GP1BA: variants seen among roughly 807,000 people sequenced by gnomAD.
GP1BA encodes glycoprotein Ib platelet subunit alpha, also known as platelet glycoprotein Ib alpha chain.
GP1BA carries 3 observed loss-of-function variants against 5.6 expected under a neutral mutation model. The observed-to-expected ratio is 0.53, with a 90% CI of 0.24 to 1.38. GP1BA has a LOEUF of 1.38. Among genes scored for constraint, GP1BA ranks in the 40% most tolerant of loss-of-function variants. The probability of loss-of-function intolerance (pLI) is 0.16; values close to 1 mark genes in which losing one functional copy is unlikely to be tolerated. For synonymous variants in GP1BA, 323 were observed against 358.3 expected, an observed-to-expected ratio of 0.90 and a Z score of 1.11; for missense variants, 707 against 801.4, an observed-to-expected ratio of 0.88 and a Z score of 1.42.
In GP1BA at chr17:4,932,780, T is replaced by C; in HGVS notation, c.176T>C (p.Leu59Pro). Residue 59 changes from leucine (L) to proline (P), a missense_variant, in exon 2 of 2, where the codon CTG becomes CCG. By Grantham distance (98) the Leu-to-Pro change is moderately conservative. This residue lies in a region of GP1BA where 442 missense variants were observed against 498.8 expected (regional missense o/e 0.89). Coordinates refer to ENST00000329125, the MANE Select transcript of GP1BA (RefSeq NM_000173.7). This position sits in a 1 kb window ranked among gnomAD's most constrained non-coding sequence, Gnocchi z 4.8. Reference protein sequence around the residue: ...TTILHLSENLLYTFSLATLMP... With the variant: ...TTILHLSENLPYTFSLATLMP... ...ATCCTCCACCTGAGTGAGAACCTCC[T>C]GTACACCTTCTCCCTGGCAACCCTG... The C allele has an allele frequency of 6.2e-7, 1 of 1,614,006 alleles. No individual in the cohort carries two copies. Among genetic ancestry groups the C allele is most frequent in the South Asian group, 1.1e-5 (1 of 91,088 alleles).
Position 4,933,028 on chromosome 17 carries a change from C to G in GP1BA, c.424C>G (p.Leu142Val). The change falls in exon 2 of 2, where the codon CTC becomes GTC. Residue 142 changes from leucine to valine, a missense_variant. Physicochemically the swap from Leu to Val is conservative, Grantham distance 32. Transcript: ENST00000329125. ...TGGTGCCCTGCGTGGTCTTGGCGAA[C>G]TCCAAGAGCTCTACCTGAAAGGCAA... Reference protein sequence around the residue: ...PLGALRGLGELQELYLKGNEL... With the variant: ...PLGALRGLGEVQELYLKGNEL... The G allele has an allele frequency of 1.2e-6, 2 of 1,614,048 alleles. No homozygotes were observed. The highest frequency in any genetic ancestry group is 1.7e-6 in the Non-Finnish European group (2 of 1,179,902).
Position 4,934,458 on chromosome 17 carries a change from T to C in GP1BA, c.1854T>C (p.Arg618=), listed in dbSNP as rs753613402. The C allele has an allele frequency of 6.2e-7, 1 of 1,614,030 alleles. No individual in the cohort carries two copies. The highest frequency in any genetic ancestry group is 8.5e-7 in the Non-Finnish European group (1 of 1,179,894). The part of the protein sequence containing the change: ...SLFLWVRPNG[R]VGPLVAGRRP... ...TCCTGTGGGTACGGCCTAATGGCCG[T>C]GTGGGGCCTCTAGTGGCAGGAAGGA... Residue 618 remains arginine (R), a synonymous_variant, in exon 2 of 2, where the codon CGT becomes CGC. Transcript: ENST00000329125.
Position 4,932,916 on chromosome 17 carries a change from G to A in GP1BA, c.312G>A (p.Gln104=). The A allele has an allele frequency of 6.2e-7, 1 of 1,613,884 alleles. No homozygotes were observed. Among genetic ancestry groups the A allele is most frequent in the Middle Eastern group, 1.7e-4 (1 of 6,060 alleles). ...GGACCCTGGATCTATCCCACAATCA[G>A]CTGCAAAGCCTGCCCTTGCTAGGGC... is the stretch of plus-strand genomic sequence containing the variant. ...VLGTLDLSHN[Q]LQSLPLLGQT... Residue 104 remains glutamine (Q), a synonymous_variant, in exon 2 of 2, where the codon CAG becomes CAA. Transcript: ENST00000329125. This position sits in a 1 kb window ranked among gnomAD's most constrained non-coding sequence, Gnocchi z 4.8.
rs1432000562 is a variant in GP1BA at position 4,934,599 on chromosome 17, G to A, written c.*36G>A. 6.2e-7 allele frequency: 1 copy of A among 1,600,370 alleles called. No homozygotes were observed. Among genetic ancestry groups the A allele is most frequent in the Admixed American group, 1.7e-5 (1 of 58,284 alleles). ...TTTGGGGACCTTGAGAGAAGAGCCT[G>A]TGGGCTCTCCTATTGGAATCTAGTT... is the stretch of plus-strand genomic sequence containing the variant. On this transcript the variant is annotated 3_prime_UTR_variant, in exon 2 of 2. Transcript: ENST00000329125.
In GP1BA at chr17:4,934,565, G is replaced by A. The variant is rs781736391; in HGVS notation, c.*2G>A. The A allele has an allele frequency of 1.2e-6, 2 of 1,613,778 alleles. No individual in the cohort carries two copies. Among genetic ancestry groups the A allele is most frequent in the Admixed American group, 1.7e-5 (1 of 59,972 alleles). On this transcript the variant is annotated 3_prime_UTR_variant, in exon 2 of 2. Coordinates refer to ENST00000329125, the MANE Select transcript of GP1BA (RefSeq NM_000173.7). ...AGGTACTCTGGCCACAGCCTCTGAG[G>A]GTGGGAGGTTTGGGGACCTTGAGAG...
At position 4,932,561 on chromosome 17, in the gene GP1BA, G is replaced by A. The variant is rs767711763; in HGVS notation, c.-6-38G>A. On this transcript the variant is annotated intron_variant, in intron 1 of 1. Transcript: ENST00000329125. This position sits in a 1 kb window ranked among gnomAD's most constrained non-coding sequence, Gnocchi z 4.8. ...GGGGCCTGGGGGGATGCTTCCAGGG[G>A]ATGCAGGGGGATCCACTCAAGGCTC... 2 of 1,582,024 alleles carry A rather than the reference G, an allele frequency of 1.3e-6. No homozygotes were observed. The highest frequency in any genetic ancestry group is 2.3e-5 in the South Asian group (2 of 86,596).
chr17:4,933,175 G>C lies in GP1BA; in HGVS notation c.571G>C (p.Asp191His). 2 of 1,613,928 alleles carry C rather than the reference G, an allele frequency of 1.2e-6. No individual in the cohort carries two copies. Among genetic ancestry groups the C allele is most frequent in the South Asian group, 2.2e-5 (2 of 91,088 alleles). ...AGLLNGLENL[D>H]TLLLQENSLY... ...GCTCCTGAATGGGCTGGAGAATCTC[G>C]ACACCCTTCTCCTCCAAGAGAACTC... The change falls in exon 2 of 2, where the codon GAC becomes CAC. Residue 191 changes from aspartate to histidine, a missense_variant. Transcript: ENST00000329125.
At position 4,934,387 on chromosome 17, in the gene GP1BA, C is replaced by G. The variant is rs1476897044; in HGVS notation, c.1783C>G (p.Leu595Val). The G allele has an allele frequency of 6.2e-7, 1 of 1,614,080 alleles. No homozygotes were observed. The highest frequency in any genetic ancestry group is 1.7e-5 in the Admixed American group (1 of 60,032). ...GCAAGTGACAGTGCCCCGGGCCTGG[C>G]TGCTCTTCCTTCGAGGTTCGCTTCC... Reference protein sequence around the residue: ...GRQVTVPRAWLLFLRGSLPTF... With the variant: ...GRQVTVPRAWVLFLRGSLPTF... Residue 595 changes from leucine to valine, a missense_variant, in exon 2 of 2, where the codon CTG (leucine) becomes GTG (valine). Around this residue, in one of 3 missense-constraint regions of GP1BA, gnomAD observed 247 missense variants for 246.6 expected, o/e 1.00. Coordinates refer to ENST00000329125, the MANE Select transcript of GP1BA (RefSeq NM_000173.7).
Position 4,933,119 on chromosome 17 carries a change from C to T in GP1BA, c.515C>T (p.Ala172Val), listed in dbSNP as rs121908065. Residue 172 changes from alanine (A) to valine (V), a missense_variant, in exon 2 of 2, where the codon GCT (alanine) becomes GTT (valine). Ala to Val is a moderately conservative substitution (Grantham distance 64). Coordinates refer to ENST00000329125, the MANE Select transcript of GP1BA (RefSeq NM_000173.7). ...PTPKLEKLSL[A>V]NNNLTELPAG... The stretch of plus-strand genomic sequence containing the variant: ...CCCAAGCTGGAGAAGCTCAGTCTGG[C>T]TAACAACAACTTGACTGAGCTCCCC... 1.2e-6 allele frequency: 2 copies of T among 1,613,866 alleles called. No individual in the cohort carries two copies. The highest frequency in any genetic ancestry group is 1.7e-6 in the Non-Finnish European group (2 of 1,179,762).
Position 4,933,474 on chromosome 17 carries a change from C to T in GP1BA, c.870C>T (p.Asp290=), listed in dbSNP as rs762198969. 1 of 1,613,772 alleles carries T rather than the reference C, an allele frequency of 6.2e-7. No homozygotes were observed. The highest frequency in any genetic ancestry group is 8.5e-7 in the Non-Finnish European group (1 of 1,179,856). ...CPTLGDEGDT[D]LYDYYPEEDT... ...CCCTTGGTGATGAAGGTGACACAGA[C>T]CTATATGATTACTACCCAGAAGAGG... The change falls in exon 2 of 2, where the codon GAC becomes GAT. Residue 290 remains aspartate (D), a synonymous_variant. Coordinates refer to ENST00000329125, the MANE Select transcript of GP1BA (RefSeq NM_000173.7).
Position 4,934,283 on chromosome 17 carries a change from C to T in GP1BA, c.1679C>T (p.Pro560Leu). The change falls in exon 2 of 2, where the codon CCA (proline) becomes CTA (leucine). Residue 560 changes from proline (P) to leucine (L), a missense_variant. Physicochemically the swap from Pro to Leu is moderately conservative, Grantham distance 98. Around this residue, in one of 3 missense-constraint regions of GP1BA, gnomAD observed 247 missense variants for 246.6 expected, o/e 1.00. Coordinates refer to ENST00000329125, the MANE Select transcript of GP1BA (RefSeq NM_000173.7). ...CTGAGCTGGGTTGGGCATGTGAAACCACAGGCCCTGGACTCTGGCCAAGGT... is the reference window on the plus strand; with the variant it reads ...CTGAGCTGGGTTGGGCATGTGAAACTACAGGCCCTGGACTCTGGCCAAGGT... ...LLLSWVGHVK[P>L]QALDSGQGAA... 6.2e-7 allele frequency: 1 copy of T among 1,614,012 alleles called. No homozygotes were observed. Among genetic ancestry groups the T allele is most frequent in the Non-Finnish European group, 8.5e-7 (1 of 1,179,900 alleles).
rs910154805 is a variant in GP1BA, at chr17:4,934,920, G to A, written c.*357G>A. On this transcript the variant is annotated 3_prime_UTR_variant, in exon 2 of 2. Coordinates refer to ENST00000329125, the MANE Select transcript of GP1BA (RefSeq NM_000173.7). ...AGGATGTGAGCACTCGTTGTGTCTG[G>A]ATGTTACAAATATGGGTGGTTTTAT... 3.2e-5 allele frequency: 10 copies of A among 314,940 alleles called. No homozygotes were observed. The highest frequency in any genetic ancestry group is 2.2e-4 in the African/African-American group (10 of 46,266). 19.5% of individuals were successfully genotyped at this position (314,940 alleles called of 1,614,324 possible). A position where few individuals can be genotyped will look rare whatever the true frequency, so the allele number is the denominator to read the frequency against.
In GP1BA at chr17:4,934,001, T is replaced by C. The variant is rs368126430; in HGVS notation, c.1397T>C (p.Val466Ala). Reference protein sequence around the residue: ...PTIATSPTILVSATSLITPKS... With the variant: ...PTIATSPTILASATSLITPKS... Reference sequence around the variant, plus strand: ...ATCGCCACAAGCCCGACCATCCTGGTGTCTGCCACAAGCCTGATCACTCCA... The same window carrying C: ...ATCGCCACAAGCCCGACCATCCTGGCGTCTGCCACAAGCCTGATCACTCCA... Residue 466 changes from valine (V) to alanine (A), a missense_variant, in exon 2 of 2, where the codon GTG (valine) becomes GCG (alanine). Val to Ala is a moderately conservative substitution (Grantham distance 64). Transcript: ENST00000329125. 16 of 1,610,532 alleles carry C rather than the reference T, an allele frequency of 9.9e-6. No homozygotes were observed. The highest frequency in any genetic ancestry group is 1.7e-5 in the Admixed American group (1 of 59,288).
chr17:4,934,082 A>G lies in GP1BA; in HGVS notation c.1478A>G (p.Lys493Arg). Residue 493 changes from lysine (K) to arginine (R), a missense_variant, in exon 2 of 2, where the codon AAA becomes AGA. Lys to Arg is a conservative substitution (Grantham distance 26, BLOSUM62 2). This residue lies in a region of GP1BA where 247 missense variants were observed against 246.6 expected (regional missense o/e 1.00). Transcript: ENST00000329125. ...KPVSLLESTK[K>R]TIPELDQPPK... is the part of the protein sequence containing the mutation. ...GTATCACTCTTAGAATCCACCAAAAAAACCATCCCTGAACTTGATCAGCCA... is the reference window on the plus strand; with the variant it reads ...GTATCACTCTTAGAATCCACCAAAAGAACCATCCCTGAACTTGATCAGCCA... 6.2e-7 allele frequency: 1 copy of G among 1,613,692 alleles called. No individual in the cohort carries two copies. Among genetic ancestry groups the G allele is most frequent in the Non-Finnish European group, 8.5e-7 (1 of 1,179,880 alleles).
At position 4,932,396 on chromosome 17, in the gene GP1BA, G is replaced by A. The variant is rs1970354722; in HGVS notation, c.-7+31G>A. On this transcript the variant is annotated intron_variant, in intron 1 of 1. Transcript: ENST00000329125. This position sits in a 1 kb window ranked among gnomAD's most constrained non-coding sequence, Gnocchi z 4.8. ...CCGGGGTTGGTGCTGGGGCAGGAGA[G>A]GGGTCTGAGGGAGGGGAAAGAGCCA... 1.4e-6 allele frequency: 2 copies of A among 1,398,742 alleles called. No homozygotes were observed. Among genetic ancestry groups the A allele is most frequent in the Non-Finnish European group, 9.3e-7 (1 of 1,073,826 alleles). 86.6% of individuals were successfully genotyped at this position (1,398,742 alleles called of 1,614,324 possible). A position where few individuals can be genotyped will look rare whatever the true frequency, so the allele number is the denominator to read the frequency against.
At position 4,934,742 on chromosome 17, in the gene GP1BA, AG is replaced by A; in HGVS notation, c.*183del. 1.5e-6 allele frequency: 1 copy of A among 674,410 alleles called. No homozygotes were observed. Among genetic ancestry groups the A allele is most frequent in the South Asian group, 1.9e-5 (1 of 53,084 alleles). The allele number at this position is 674,410 out of a possible 1,614,324, so 41.8% of individuals were successfully genotyped here. On this transcript the variant is annotated 3_prime_UTR_variant, in exon 2 of 2. Transcript: ENST00000329125. The stretch of plus-strand genomic sequence containing the variant: ...CAATTTCAGTCCCAGCCAAAGCAGA[AG>A]GGGTAATGACATGGACTTGGCGGGG...
rs763512688 is a variant in GP1BA, at chr17:4,934,042, A to T, written c.1438A>T (p.Thr480Ser). The change falls in exon 2 of 2, where the codon ACT becomes TCT. Residue 480 changes from threonine to serine, a missense_variant. This residue lies in a region of GP1BA where 247 missense variants were observed against 246.6 expected (regional missense o/e 1.00). Transcript: ENST00000329125. ...GATCACTCCAAAAAGCACATTTTTAACTACCACAAAACCCGTATCACTCTT... is the reference window on the plus strand; with the variant it reads ...GATCACTCCAAAAAGCACATTTTTATCTACCACAAAACCCGTATCACTCTT... ...SLITPKSTFL[T>S]TTKPVSLLES... is the part of the protein sequence containing the mutation. The T allele has an allele frequency of 3.1e-6, 5 of 1,613,584 alleles. No individual in the cohort carries two copies. Among genetic ancestry groups the T allele is most frequent in the Middle Eastern group, 1.6e-4 (1 of 6,084 alleles).
chr17:4,932,658 C>T lies in GP1BA; in HGVS notation c.54C>T (p.Pro18=), dbSNP rs1452971210. The part of the protein sequence containing the change: ...LLLPSPLHPH[P]ICEVSKVASH... ...TGCCAAGCCCCTTACACCCCCACCC[C>T]ATCTGTGAGGTCTCCAAAGTGGCCA... Residue 18 remains proline, a synonymous_variant, in exon 2 of 2, where the codon CCC becomes CCT. Coordinates refer to ENST00000329125, the MANE Select transcript of GP1BA (RefSeq NM_000173.7). The surrounding 1 kb of genome is among the most constrained non-coding windows in gnomAD (Gnocchi z 4.8). The T allele has an allele frequency of 1.2e-6, 2 of 1,613,940 alleles. No individual in the cohort carries two copies. Among genetic ancestry groups the T allele is most frequent in the African/African-American group, 1.3e-5 (1 of 75,036 alleles).
At position 4,934,300 on chromosome 17, in the gene GP1BA, G is replaced by A. The variant is rs1456056080; in HGVS notation, c.1696G>A (p.Gly566Ser). The A allele has an allele frequency of 6.2e-7, 1 of 1,613,968 alleles. No homozygotes were observed. The highest frequency in any genetic ancestry group is 8.5e-7 in the Non-Finnish European group (1 of 1,179,898). ...GHVKPQALDS[G>S]QGAALTTATQ... ...TGTGAAACCACAGGCCCTGGACTCTGGCCAAGGTGCTGCTCTGACCACAGC... is the reference window on the plus strand; with the variant it reads ...TGTGAAACCACAGGCCCTGGACTCTAGCCAAGGTGCTGCTCTGACCACAGC... Residue 566 changes from glycine (G) to serine (S), a missense_variant, in exon 2 of 2, where the codon GGC (glycine) becomes AGC (serine). This residue lies in a region of GP1BA where 247 missense variants were observed against 246.6 expected (regional missense o/e 1.00). Transcript: ENST00000329125.
Sources: allele counts gnomAD v4.1 joint callset, GRCh38; gene constraint gnomAD v4.1.1; regional missense constraint gnomAD v4.1.1; non-coding constraint Gnocchi (gnomAD v3.1); transcripts MANE v1.5; gene names NCBI Gene and HGNC (gene_info 2026-07-23, HGNC 2026-07-21).